Variants in ATXN7 observed in about 807,000 individuals in gnomAD.
ATXN7 encodes ataxin-7.
A neutral mutation model predicts 70.5 loss-of-function variants in ATXN7; 12 were observed. That is an observed-to-expected ratio of 0.17 (90% CI 0.11 to 0.28). The LOEUF (loss-of-function observed/expected upper bound fraction) is 0.28. Among genes scored for constraint, ATXN7 ranks in the 10% least tolerant of loss-of-function variants. The pLI is 1.00. For synonymous variants in ATXN7, 498 were observed against 448.7 expected (o/e 1.11, Z -1.39); for missense variants, 1,256 against 1,131.7 (o/e 1.11, Z -1.58).
At position 63,993,360 on chromosome 3, in the gene ATXN7, G is replaced by T. The variant is rs146236928; in HGVS notation, c.1683-2145G>T. Among the ~76,000 whole-genome samples, 883 of 147,304 alleles carry T rather than the reference G, an allele frequency of 6.0e-3. 9 individuals carry two copies. Among genetic ancestry groups the T allele is most frequent in the Non-Finnish European group, 8.2e-3 (554 of 67,440 alleles). ...AAGGAAAACCAAGGCTGAGGCAGGA[G>T]AATGGGGTGAACCCGGGAGGCAGAG... On this transcript the variant is annotated intron_variant, in intron 11 of 12. Transcript: ENST00000674280.
intron 5 of ATXN7, among the ~76,000 whole-genome samples, chr3:63,953,125 G>T (rs1022310548): frequency 6.6e-6 from 1 of 151,928 alleles, no homozygotes; most frequent in Admixed American, 6.6e-5. Flanking sequence ...GGAGAGGCAG[G>T]CAAAACTAAC....
chr3:63,866,396 A>G (rs1394269295), intron 1 of ATXN7, among the ~76,000 whole-genome samples: 1 of 152,054 alleles, frequency 6.6e-6, no homozygotes, highest in Non-Finnish European at 1.5e-5. Context: ...GACTACCGGC[A>G]TGTTCCATGA....
chr3:63,930,933 A>G (rs1429789794), intron 4 of ATXN7, among the ~76,000 whole-genome samples: 2 of 152,216 alleles, frequency 1.3e-5, no homozygotes, highest in South Asian at 2.1e-4. Context: ...TGAAGATACA[A>G]TAAGAACTTG....
chr3:63,872,152 A>G (rs1184116030), intron 1 of ATXN7, among the ~76,000 whole-genome samples: 1 of 149,926 alleles, frequency 6.7e-6, no homozygotes. Context: ...TGGCTGTGAC[A>G]TAGTGACTCT....
At position 63,984,219 on chromosome 3, in the gene ATXN7, A is replaced by AG. The variant is rs894347027; in HGVS notation, c.1095+1198_1095+1199insG. Among the ~76,000 whole-genome samples, 305 of 152,162 alleles carry AG rather than the reference A, an allele frequency of 2.0e-3. 6 individuals are homozygous for AG. The highest frequency in any genetic ancestry group is 6.2e-4 in the Non-Finnish European group (42 of 67,984). On this transcript the variant is annotated intron_variant, in intron 8 of 12. Coordinates refer to ENST00000674280, the MANE Select transcript of ATXN7 (RefSeq NM_001377405.1). The stretch of plus-strand genomic sequence containing the variant: ...TTAAATATCTCATTTTTAAAAAAAA[A>AG]AAACCACGGTCCATCTTCCGAGAAT...
In ATXN7 at chr3:63,999,549, G is replaced by A. The variant is rs752476125; in HGVS notation, c.*82G>A. 9 of 1,590,576 alleles carry A rather than the reference G, an allele frequency of 5.7e-6. No homozygotes were observed. Among genetic ancestry groups the A allele is most frequent in the Non-Finnish European group, 5.1e-6 (6 of 1,166,708 alleles). ...CTCCACTCAGCACTCTGGACTCCACGATGCCTTTGAGTCTGTTTTCCCAAC... is the reference window on the plus strand; with the variant it reads ...CTCCACTCAGCACTCTGGACTCCACAATGCCTTTGAGTCTGTTTTCCCAAC... On this transcript the variant is annotated 3_prime_UTR_variant, in exon 13 of 13. Coordinates refer to ENST00000674280, the MANE Select transcript of ATXN7 (RefSeq NM_001377405.1).
intron 11 of ATXN7, among the ~76,000 whole-genome samples, chr3:63,994,981 C>A (rs186532473): frequency 6.6e-6 from 1 of 152,238 alleles, no homozygotes; most frequent in Non-Finnish European, 1.5e-5. Context: ...TAGTTATGAC[C>A]TAGCAGTTGC....
intron 5 of ATXN7, among the ~76,000 whole-genome samples, chr3:63,975,735 AC>A (rs1402218892): frequency 6.6e-6 from 1 of 152,100 alleles, no homozygotes; most frequent in Non-Finnish European, 1.5e-5. Flanking sequence ...ATTTTGGAAG[AC>A]CTATAGAGAG....
intron 5 of ATXN7, among the ~76,000 whole-genome samples, chr3:63,976,987 G>C (rs915844749): frequency 4.6e-5 from 7 of 152,212 alleles, no homozygotes; most frequent in Admixed American, 1.3e-4. Flanking sequence ...AAGGGTTGCA[G>C]CTTGACTGTG....
At chr3:63,950,698 A>G (rs72883995) in intron 4 of ATXN7, among the ~76,000 whole-genome samples, 3,031 of 152,316 alleles carry the variant, frequency 0.02, 105 homozygotes, top group African/African-American at 0.066. Flanking sequence ...ATATCATTGC[A>G]TAGATATAAC....
At chr3:63,952,575 A>T in intron 5 of ATXN7, 92 bp downstream of exon 5, 2 of 752,040 alleles carry the variant, frequency 2.7e-6, no homozygotes, top group Non-Finnish European at 4.1e-6. Flanking sequence ...CATGGGACAT[A>T]ATGTCCCTCC....
chr3:63,864,446 GCCGGCACTTGCGCGGGGC>G (rs907152039), intron 1 of ATXN7: 1 of 152,100 alleles, frequency 6.6e-6, no homozygotes, highest in African/African-American at 2.4e-5. Flanking sequence ...GGTCTCGAAC[GCCGGCACTTGCGCGGGGC>G]GCGGCCGGCA....
At chr3:63,890,959 C>T (rs1703239213) in intron 1 of ATXN7, among the ~76,000 whole-genome samples, 1 of 151,916 alleles carries the variant, frequency 6.6e-6, no homozygotes, top group South Asian at 2.1e-4. Context: ...TGGGCCTAGC[C>T]CAGAAGTGTG....
intron 12 of ATXN7, chr3:63,999,178 A>T: frequency 2.5e-6 from 1 of 398,240 alleles, no homozygotes. Context: ...AGGCAAACAT[A>T]AGAGCCTTTT....
chr3:63,869,844 G>A (rs1456632903), intron 1 of ATXN7, among the ~76,000 whole-genome samples: 1 of 152,150 alleles, frequency 6.6e-6, no homozygotes, highest in Non-Finnish European at 1.5e-5. Flanking sequence ...TGTTATGATA[G>A]GCAGGTATCC....
intron 4 of ATXN7, among the ~76,000 whole-genome samples, chr3:63,933,430 C>T (rs941020282): frequency 6.6e-6 from 1 of 152,168 alleles, no homozygotes; most frequent in African/African-American, 2.4e-5. Flanking sequence ...CTTCATCCAG[C>T]ATCTGAAAGT....
intron 4 of ATXN7, 46 bp downstream of exon 4, chr3:63,913,271 T>C: frequency 6.4e-7 from 1 of 1,566,380 alleles, no homozygotes; most frequent in Non-Finnish European, 8.8e-7. Flanking sequence ...CCCTGGGAAG[T>C]TTCATTGACA....
chr3:63,913,657 A>G (rs1360302058), intron 4 of ATXN7, among the ~76,000 whole-genome samples: 2 of 152,206 alleles, frequency 1.3e-5, no homozygotes, highest in African/African-American at 4.8e-5. Flanking sequence ...TTATTTCTGT[A>G]GGATTTAAGG....
Position 63,863,952 on chromosome 3 carries a change from C to T in ATXN7, c.-317C>T, listed in dbSNP as rs1702317316. The T allele has an allele frequency of 3.7e-5, 3 of 81,024 alleles. No homozygotes were observed. The highest frequency in any genetic ancestry group is 7.1e-5 in the African/African-American group (1 of 14,068). 5.0% of individuals were successfully genotyped at this position (81,024 alleles called of 1,614,324 possible). A position where few individuals can be genotyped will look rare whatever the true frequency, so the allele number is the denominator to read the frequency against. On this transcript the variant is annotated 5_prime_UTR_variant, in exon 1 of 13. Coordinates refer to ENST00000674280, the MANE Select transcript of ATXN7 (RefSeq NM_001377405.1). ...CCGACGCCTGAGCCGCGCCGCGCCGCGCCGCCGCCGCCGCCGCCGCCGCCG... is the reference window on the plus strand; with the variant it reads ...CCGACGCCTGAGCCGCGCCGCGCCGTGCCGCCGCCGCCGCCGCCGCCGCCG...
Sources: gnomAD v4.1 joint callset for allele counts (sites outside exome capture counted in the v4.1 genomes callset) on GRCh38, gnomAD v4.1.1 for gene constraint, MANE v1.5 for transcripts, NCBI Gene and HGNC (gene_info 2026-07-23, HGNC 2026-07-21) for gene names.